Variants in NUBPL observed in about 807,000 individuals in gnomAD.
The protein encoded by NUBPL is iron-sulfur cluster transfer protein NUBPL.
A neutral mutation model predicts 45.7 loss-of-function variants in NUBPL; 31 were observed. That is an observed-to-expected ratio of 0.68 (90% CI 0.51 to 0.92). NUBPL has a LOEUF of 0.92. Ranked by LOEUF, NUBPL falls within the 40% of genes least tolerant of loss-of-function variation. NUBPL has a pLI of 0.00. For missense variants in NUBPL, 401 were observed against 398.7 expected (o/e 1.01, Z -0.05); for synonymous variants, 144 against 140.9 (o/e 1.02, Z -0.15).
chr14:31,635,369 T>G (rs1251162123), intron 4 of NUBPL, among the ~76,000 whole-genome samples: 1 of 152,158 alleles, frequency 6.6e-6, no homozygotes, highest in Non-Finnish European at 1.5e-5. Flanking sequence ...TTGCTTATTT[T>G]TCTCAGGTTT....
At chr14:31,638,203 G>T (rs2035565846) in intron 4 of NUBPL, among the ~76,000 whole-genome samples, 1 of 151,626 alleles carries the variant, frequency 6.6e-6, no homozygotes, top group African/African-American at 2.4e-5. Flanking sequence ...TTACATTTTG[G>T]CATGATTTTG....
In NUBPL at chr14:31,792,325, C is replaced by T. The variant is rs114782872; in HGVS notation, c.607+4452C>T. Among the ~76,000 whole-genome samples the T allele has an allele frequency of 8.9e-3, 1,354 of 152,274 alleles. 23 individuals are homozygous for T. The highest frequency in any genetic ancestry group is 0.031 in the African/African-American group (1,276 of 41,552). The stretch of plus-strand genomic sequence containing the variant: ...TCGTTATCTGGATTGGTGCTTACTA[C>T]ATTCAGTAATTTTTTTGAGTCCTGA... On this transcript the variant is annotated intron_variant, in intron 7 of 10. Transcript: ENST00000281081.
Position 31,677,662 on chromosome 14 carries a change from ATC to A in NUBPL, c.513+4096_513+4097del, listed in dbSNP as rs1459984760. Among the ~76,000 whole-genome samples the A allele has an allele frequency of 5.9e-5, 9 of 152,258 alleles. No homozygotes were observed. In the East Asian group the frequency reaches 1.7e-3, roughly 29 times the overall value. The stretch of plus-strand genomic sequence containing the variant: ...CCTTACTTTCTCCCAAACAAACAGA[ATC>A]TCTCTCTGTCTGTTCTGAGCTACCT... On this transcript the variant is annotated intron_variant, in intron 6 of 10. Coordinates refer to ENST00000281081, the MANE Select transcript of NUBPL (RefSeq NM_025152.3).
At chr14:31,757,906 T>TC (rs1323632364) in intron 6 of NUBPL, among the ~76,000 whole-genome samples, 2 of 152,138 alleles carry the variant, frequency 1.3e-5, no homozygotes, top group Non-Finnish European at 2.9e-5. Context: ...TCCCTTTTTT[T>TC]CAGATATACC....
At chr14:31,763,724 A>T (rs1307849115) in intron 6 of NUBPL, among the ~76,000 whole-genome samples, 1 of 152,162 alleles carries the variant, frequency 6.6e-6, no homozygotes. Flanking sequence ...ATTCATAACT[A>T]GTTTGTTGTG....
At chr14:31,572,072 G>A (rs921136288) in intron 3 of NUBPL, among the ~76,000 whole-genome samples, 2 of 151,958 alleles carry the variant, frequency 1.3e-5, no homozygotes, top group African/African-American at 4.8e-5. Flanking sequence ...GCTAAGGTTC[G>A]AATGCCAACC....
At chr14:31,636,480 G>T (rs187823440) in intron 4 of NUBPL, among the ~76,000 whole-genome samples, 1 of 139,130 alleles carries the variant, frequency 7.2e-6, no homozygotes, top group East Asian at 1.9e-4. Context: ...ATGTGCTGCT[G>T]GATTGGTTTG....
chr14:31,697,536 C>T (rs1174334849), intron 6 of NUBPL, among the ~76,000 whole-genome samples: 2 of 152,138 alleles, frequency 1.3e-5, no homozygotes, highest in African/African-American at 4.8e-5. Context: ...TTGTGTTAAT[C>T]AATATTTATT....
At chr14:31,592,032 G>T (rs1190428212) in intron 3 of NUBPL, among the ~76,000 whole-genome samples, 1 of 152,176 alleles carries the variant, frequency 6.6e-6, no homozygotes, top group African/African-American at 2.4e-5. Context: ...GAGGGGTAGT[G>T]CTTAAGGATT....
intron 4 of NUBPL, among the ~76,000 whole-genome samples, chr14:31,672,273 ATGTG>A (rs3035682): frequency 0.32 from 47,053 of 147,720 alleles, 7,297 homozygotes; most frequent in Middle Eastern, 0.4. Context: ...CTGATTAGAT[ATGTG>A]TGTGTGTGTG....
intron 4 of NUBPL, among the ~76,000 whole-genome samples, chr14:31,663,177 A>G (rs146559260): frequency 7.9e-5 from 12 of 152,238 alleles, no homozygotes; most frequent in African/African-American, 2.6e-4. Flanking sequence ...ATTTTCTACC[A>G]TTCTGTAGGT....
At chr14:31,725,469 T>G (rs2037899896) in intron 6 of NUBPL, among the ~76,000 whole-genome samples, 1 of 152,206 alleles carries the variant, frequency 6.6e-6, no homozygotes, top group African/African-American at 2.4e-5. Context: ...TTCATATACA[T>G]AATGAGATAC....
chr14:31,652,846 C>T (rs2036042933), intron 4 of NUBPL, among the ~76,000 whole-genome samples: 1 of 152,090 alleles, frequency 6.6e-6, no homozygotes, highest in African/African-American at 2.4e-5. Context: ...GGGGAACTCA[C>T]CCCCCATATT....
At chr14:31,720,088 T>G (rs536280296) in intron 6 of NUBPL, among the ~76,000 whole-genome samples, 11 of 152,308 alleles carry the variant, frequency 7.2e-5, no homozygotes, top group Non-Finnish European at 1.3e-4. Context: ...AGTGCCTAGA[T>G]TATATGATTT....
At chr14:31,758,652 A>G (rs918951245) in intron 6 of NUBPL, among the ~76,000 whole-genome samples, 2 of 152,178 alleles carry the variant, frequency 1.3e-5, no homozygotes, top group African/African-American at 2.4e-5. Flanking sequence ...TATATCTCCC[A>G]TCAAAAAGGA....
At chr14:31,691,367 T>C (rs1044469614) in intron 6 of NUBPL, among the ~76,000 whole-genome samples, 27 of 152,240 alleles carry the variant, frequency 1.8e-4, no homozygotes, top group Non-Finnish European at 5.9e-5. Context: ...TATGTGGTAA[T>C]GACTGACTAT....
intron 4 of NUBPL, among the ~76,000 whole-genome samples, chr14:31,619,495 C>T (rs894629457): frequency 1.3e-5 from 2 of 152,062 alleles, no homozygotes; most frequent in African/African-American, 2.4e-5. Context: ...GACAAAATTT[C>T]TCAATATTTG....
At chr14:31,621,673 GA>G (rs1192781838) in intron 4 of NUBPL, among the ~76,000 whole-genome samples, 2 of 152,216 alleles carry the variant, frequency 1.3e-5, no homozygotes, top group African/African-American at 4.8e-5. Flanking sequence ...TGGAAATGCA[GA>G]AATCACCCGC....
At chr14:31,695,580 T>C (rs144083366) in intron 6 of NUBPL, among the ~76,000 whole-genome samples, 24 of 152,136 alleles carry the variant, frequency 1.6e-4, no homozygotes, top group African/African-American at 5.3e-4. Flanking sequence ...ATTAATGTTA[T>C]CATGGGAATG....
Sources: gnomAD v4.1 joint callset for allele counts (sites outside exome capture counted in the v4.1 genomes callset) on GRCh38, gnomAD v4.1.1 for gene constraint, MANE v1.5 for transcripts, NCBI Gene and HGNC (gene_info 2026-07-23, HGNC 2026-07-21) for gene names.